Variants in SGCZ observed in about 807,000 individuals in gnomAD.
SGCZ encodes the protein zeta-sarcoglycan.
Under a neutral mutation model 41.3 loss-of-function variants are expected in SGCZ, and 40 were observed. The ratio of observed to expected loss-of-function variants is 0.97; its 90% confidence interval spans 0.75 to 1.26. SGCZ has a LOEUF of 1.26. Ranked by LOEUF, SGCZ falls within the 50% of genes most tolerant of loss-of-function variation. The pLI is 0.00. For missense variants in SGCZ, 552 were observed against 369.8 expected (o/e 1.49, Z -4.04); for synonymous variants, 206 against 137.5 (o/e 1.50, Z -3.49).
chr8:14,160,618 G>C (rs1804015950), intron 5 of SGCZ, among the ~76,000 whole-genome samples: 1 of 152,164 alleles, frequency 6.6e-6, no homozygotes, highest in South Asian at 2.1e-4. Context: ...GGCAAGACAA[G>C]TAATGTCAAG....
chr8:14,226,065 G>T (rs932711903), intron 4 of SGCZ, among the ~76,000 whole-genome samples: 4 of 151,856 alleles, frequency 2.6e-5, no homozygotes, highest in African/African-American at 9.7e-5. Context: ...ACTTATTTGG[G>T]GGGCTACCAT....
intron 1 of SGCZ, among the ~76,000 whole-genome samples, chr8:14,646,022 C>G (rs1807202876): frequency 1.3e-5 from 2 of 151,280 alleles, no homozygotes; most frequent in Non-Finnish European, 3.0e-5. Context: ...ATTAAAGTAG[C>G]TTGTAGAGAT....
intron 2 of SGCZ, among the ~76,000 whole-genome samples, chr8:14,428,699 G>A (rs1164421819): frequency 1.3e-5 from 2 of 152,154 alleles, no homozygotes; most frequent in Admixed American, 1.3e-4. Flanking sequence ...GATTTATTTG[G>A]AAATGCATGG....
intron 1 of SGCZ, among the ~76,000 whole-genome samples, chr8:14,850,924 A>T (rs1803295553): frequency 6.6e-6 from 1 of 152,122 alleles, no homozygotes; most frequent in Non-Finnish European, 1.5e-5. Context: ...ACACCTCTCC[A>T]GCCGTACTGT....
chr8:14,145,654 C>G (rs915753174), intron 5 of SGCZ, among the ~76,000 whole-genome samples: 6 of 152,086 alleles, frequency 3.9e-5, no homozygotes, highest in Admixed American at 3.9e-4. Context: ...ACCTTTTAGA[C>G]AGAGAATTTA....
At chr8:14,646,642 T>C (rs891227880) in intron 1 of SGCZ, among the ~76,000 whole-genome samples, 1 of 149,196 alleles carries the variant, frequency 6.7e-6, no homozygotes, top group East Asian at 2.0e-4. Context: ...TGAACTTCTT[T>C]CCACAGATAA....
chr8:14,975,986 G>GTA (rs538006541), intron 1 of SGCZ, among the ~76,000 whole-genome samples: 221 of 113,770 alleles, frequency 1.9e-3, no homozygotes, highest in Middle Eastern at 0.014. Context: ...GTGTATGTGT[G>GTA]TATATATATA....
At chr8:14,439,266 G>A (rs7820034) in intron 2 of SGCZ, among the ~76,000 whole-genome samples, 61,144 of 149,258 alleles carry the variant, frequency 0.41, 12,774 homozygotes, top group Non-Finnish European at 0.45. Flanking sequence ...GCTTGGTATT[G>A]TTGCTAACAG....
chr8:14,212,602 T>G (rs76376050), intron 4 of SGCZ, among the ~76,000 whole-genome samples: 5,343 of 152,000 alleles, frequency 0.035, 303 homozygotes, highest in African/African-American at 0.12. Flanking sequence ...ATAGAAGATT[T>G]CAATAGGATC....
chr8:15,022,969 G>A (rs556557492), intron 1 of SGCZ, among the ~76,000 whole-genome samples: 3 of 152,266 alleles, frequency 2.0e-5, no homozygotes, highest in Middle Eastern at 3.4e-3. Flanking sequence ...ACAGGTGGAT[G>A]GGATTTGTCA....
intron 1 of SGCZ, among the ~76,000 whole-genome samples, chr8:15,111,100 G>T (rs1563131573): frequency 6.6e-6 from 1 of 152,180 alleles, no homozygotes. Flanking sequence ...TCATAAAGCT[G>T]GATCAGAAGG....
intron 5 of SGCZ, among the ~76,000 whole-genome samples, chr8:14,129,191 C>CA (rs112090289): frequency 0.2 from 30,285 of 150,484 alleles, 3,863 homozygotes; most frequent in East Asian, 0.65. Context: ...ACTAAAAATA[C>CA]AAAAAAAAGC....
intron 2 of SGCZ, among the ~76,000 whole-genome samples, chr8:14,439,148 T>G (rs2117361583): frequency 6.6e-6 from 1 of 152,044 alleles, no homozygotes; most frequent in African/African-American, 2.4e-5. Context: ...CGTGATACAT[T>G]TGTTAAAGGG....
chr8:14,514,852 A>T (rs956596207), intron 2 of SGCZ, among the ~76,000 whole-genome samples: 2 of 147,566 alleles, frequency 1.4e-5, no homozygotes, highest in African/African-American at 5.0e-5. Context: ...CACTGCATAT[A>T]TGAACCCATA....
intron 2 of SGCZ, among the ~76,000 whole-genome samples, chr8:14,531,508 G>C (rs1803129849): frequency 6.6e-6 from 1 of 151,956 alleles, no homozygotes; most frequent in South Asian, 2.1e-4. Flanking sequence ...CAAACTGCAA[G>C]GGTGGAAAAG....
At chr8:15,214,371 G>C (rs889787861) in intron 1 of SGCZ, among the ~76,000 whole-genome samples, 4 of 151,988 alleles carry the variant, frequency 2.6e-5, no homozygotes, top group African/African-American at 9.7e-5. Context: ...CACTTTATAG[G>C]AGTTTCTAAA....
At chr8:14,634,131 T>C (rs1440047393) in intron 1 of SGCZ, among the ~76,000 whole-genome samples, 1 of 151,862 alleles carries the variant, frequency 6.6e-6, no homozygotes, top group African/African-American at 2.4e-5. Flanking sequence ...TGATATTCTA[T>C]TTCAGAAAAA....
chr8:15,231,911 C>A (rs552952710), intron 1 of SGCZ, among the ~76,000 whole-genome samples: 1 of 152,256 alleles, frequency 6.6e-6, no homozygotes, highest in Admixed American at 6.5e-5. Context: ...CGTGAGCCAC[C>A]ATGCCCGGCC....
At chr8:14,869,101 A>T (rs1585333477) in intron 1 of SGCZ, among the ~76,000 whole-genome samples, 1 of 152,316 alleles carries the variant, frequency 6.6e-6, no homozygotes, top group Middle Eastern at 3.4e-3. Flanking sequence ...GGCCAGCATC[A>T]TTCTGATACC....
Sources: allele counts gnomAD v4.1 joint callset (sites outside exome capture counted in the v4.1 genomes callset), GRCh38; gene constraint gnomAD v4.1.1; transcripts MANE v1.5; gene names NCBI Gene and HGNC (gene_info 2026-07-23, HGNC 2026-07-21).